Variants in ZNF813 observed in about 807,000 individuals in gnomAD.
The protein encoded by ZNF813 is zinc finger protein 813.
Under a neutral mutation model 7.2 loss-of-function variants are expected in ZNF813, and 3 were observed. That is an observed-to-expected ratio of 0.42 (90% CI 0.19 to 1.08). The LOEUF (loss-of-function observed/expected upper bound fraction) is 1.08. ZNF813 is among the 50% of genes least tolerant of loss of function. The pLI is 0.30. For synonymous variants in ZNF813, 227 were observed against 256.3 expected (o/e 0.89, Z 1.09); for missense variants, 714 against 753.3 (o/e 0.95, Z 0.61).
At chr19:53,489,546 G>A (rs1298798891) in intron 3 of ZNF813, among the ~76,000 whole-genome samples, 3 of 151,994 alleles carry the variant, frequency 2.0e-5, no homozygotes, top group Non-Finnish European at 4.4e-5. Context: ...AGGTTGCAGT[G>A]AGCCAAGATT....
chr19:53,483,957 C>G, intron 2 of ZNF813, 120 bp downstream of exon 2: 1 of 1,575,052 alleles, frequency 6.3e-7, no homozygotes, highest in South Asian at 1.1e-5. Flanking sequence ...TCACATTCAC[C>G]CATGCCTTCC....
intron 3 of ZNF813, among the ~76,000 whole-genome samples, chr19:53,487,665 G>A (rs1458632929): frequency 6.6e-6 from 1 of 152,074 alleles, no homozygotes; most frequent in African/African-American, 2.4e-5. Flanking sequence ...GGACACTGTG[G>A]TGGGCATCTG....
chr19:53,488,890 T>C (rs558279595), intron 3 of ZNF813, among the ~76,000 whole-genome samples: 1 of 152,348 alleles, frequency 6.6e-6, no homozygotes, highest in South Asian at 2.1e-4. Flanking sequence ...TGTATAAATG[T>C]ACTTGTTATT....
intron 1 of ZNF813, among the ~76,000 whole-genome samples, chr19:53,482,040 AG>A (rs1163290233): frequency 6.6e-6 from 1 of 152,120 alleles, no homozygotes; most frequent in African/African-American, 2.4e-5. Context: ...CTAGGAGATG[AG>A]GGGCTAGACC....
intron 2 of ZNF813, among the ~76,000 whole-genome samples, chr19:53,484,252 A>G (rs111699420): frequency 0.017 from 2,521 of 152,258 alleles, 72 homozygotes; most frequent in African/African-American, 0.057. Context: ...AAGGCAACCA[A>G]TATGGGGAAA....
chr19:53,490,651 T>A lies in ZNF813; in HGVS notation c.419T>A (p.Leu140His). The change falls in exon 4 of 4, where the codon CTT (leucine) becomes CAT (histidine). Residue 140 changes from leucine (L) to histidine (H), a missense_variant. Transcript: ENST00000396403. The part of the protein sequence containing the change: ...HAGNKPIKDQ[L>H]GSSFHSHLPE... The stretch of plus-strand genomic sequence containing the variant: ...GGAAACAAGCCTATTAAAGATCAGC[T>A]TGGATCAAGCTTTCATTCGCATCTG... The A allele has an allele frequency of 6.2e-7, 1 of 1,614,168 alleles. No homozygotes were observed.
chr19:53,480,940 A>G (rs2086405290), intron 1 of ZNF813, among the ~76,000 whole-genome samples: 1 of 152,202 alleles, frequency 6.6e-6, no homozygotes, highest in Non-Finnish European at 1.5e-5. Flanking sequence ...GGCCAATGCT[A>G]GTATGGAGGC....
At chr19:53,477,808 G>A (rs1255043433) in intron 1 of ZNF813, among the ~76,000 whole-genome samples, 1 of 152,154 alleles carries the variant, frequency 6.6e-6, no homozygotes, top group Non-Finnish European at 1.5e-5. Flanking sequence ...TCAACAGAGT[G>A]AGACCCTGTC....
rs1046758807 is a variant in ZNF813, at chr19:53,496,083, T to C, written c.*3997T>C. 1.8e-5 allele frequency: 5 copies of C among 272,032 alleles called. No individual in the cohort carries two copies. The highest frequency in any genetic ancestry group is 9.6e-5 in the South Asian group (2 of 20,926). The allele number at this position is 272,032 out of a possible 1,614,324, so 16.9% of individuals were successfully genotyped here. ...ACACATATTTATGCTGTGTGAGCAT[T>C]ACAATCGCGTTACCATATCAAGCTG... On this transcript the variant is annotated 3_prime_UTR_variant, in exon 4 of 4. Coordinates refer to ENST00000396403, the MANE Select transcript of ZNF813 (RefSeq NM_001004301.4).
intron 1 of ZNF813, among the ~76,000 whole-genome samples, chr19:53,472,388 G>A (rs543916701): frequency 2.0e-5 from 3 of 152,216 alleles, no homozygotes; most frequent in African/African-American, 4.8e-5. Context: ...TACCACAGAC[G>A]GATGAGTCTA....
chr19:53,473,062 A>G (rs996549894), intron 1 of ZNF813, among the ~76,000 whole-genome samples: 3 of 152,302 alleles, frequency 2.0e-5, no homozygotes, highest in African/African-American at 7.2e-5. Flanking sequence ...ATGGTTAAGG[A>G]GGGTAGCAAC....
At chr19:53,474,404 C>T (rs1212584992) in intron 1 of ZNF813, among the ~76,000 whole-genome samples, 4 of 152,098 alleles carry the variant, frequency 2.6e-5, no homozygotes, top group Non-Finnish European at 4.4e-5. Context: ...ATGGCACTTT[C>T]GTGGCCGGGC....
In ZNF813 at chr19:53,490,982, G is replaced by A. The variant is rs762545241; in HGVS notation, c.750G>A (p.Lys250=). The A allele has an allele frequency of 1.2e-6, 2 of 1,614,162 alleles. No homozygotes were observed. Among genetic ancestry groups the A allele is most frequent in the Admixed American group, 3.3e-5 (2 of 60,020 alleles). The change falls in exon 4 of 4, where the codon AAG becomes AAA. Residue 250 remains lysine (K), a synonymous_variant. Transcript: ENST00000396403. Reference sequence around the variant, plus strand: ...AATATAAATGTGATGTATGTGGCAAGGTCTTTAATCGGAAGCGAAACCTAG... The same window carrying A: ...AATATAAATGTGATGTATGTGGCAAAGTCTTTAATCGGAAGCGAAACCTAG... The part of the protein sequence containing the change: ...EKQYKCDVCG[K]VFNRKRNLVC...
intron 1 of ZNF813, among the ~76,000 whole-genome samples, chr19:53,468,307 T>C (rs1448485962): frequency 1.4e-5 from 2 of 145,132 alleles, no homozygotes; most frequent in African/African-American, 5.0e-5. Flanking sequence ...TGAGCCCACG[T>C]TGGGGAGGTG....
At chr19:53,469,743 A>C (rs1600106818) in intron 1 of ZNF813, among the ~76,000 whole-genome samples, 1 of 149,918 alleles carries the variant, frequency 6.7e-6, no homozygotes, top group Non-Finnish European at 1.5e-5. Context: ...TGGCAAGAAC[A>C]GAGGGAGAAG....
chr19:53,471,703 T>G (rs144681973), intron 1 of ZNF813, among the ~76,000 whole-genome samples: 143 of 150,088 alleles, frequency 9.5e-4, no homozygotes, highest in African/African-American at 3.2e-3. Flanking sequence ...TCCCAGCTAC[T>G]CGGGAGGCTG....
intron 1 of ZNF813, among the ~76,000 whole-genome samples, chr19:53,473,697 T>C (rs1387086237): frequency 6.6e-6 from 1 of 152,248 alleles, no homozygotes; most frequent in Non-Finnish European, 1.5e-5. Flanking sequence ...CTTATCGGCA[T>C]TCTTTCTCAT....
At position 53,482,771 on chromosome 19, in the gene ZNF813, T is replaced by C. The variant is rs140718821; in HGVS notation, c.-73-979T>C. Among the ~76,000 whole-genome samples, 580 of 144,488 alleles carry C rather than the reference T, an allele frequency of 4.0e-3. 3 individuals carry two copies. Among genetic ancestry groups the C allele is most frequent in the Non-Finnish European group, 5.4e-3 (361 of 66,490 alleles). 94.8% of individuals were successfully genotyped at this position (144,488 alleles called of 152,430 possible). A position where few individuals can be genotyped will look rare whatever the true frequency, so the allele number is the denominator to read the frequency against. On this transcript the variant is annotated intron_variant, in intron 1 of 3. Transcript: ENST00000396403. Reference sequence around the variant, plus strand: ...CAGAATCTCACTCTATTGCCCAGGCTGTGAGTGCAGTCTTGTGATCTTGGC... The same window carrying C: ...CAGAATCTCACTCTATTGCCCAGGCCGTGAGTGCAGTCTTGTGATCTTGGC...
rs778514098 is a variant in ZNF813 at position 53,490,777 on chromosome 19, G to T, written c.545G>T (p.Cys182Phe). 5 of 1,614,158 alleles carry T rather than the reference G, an allele frequency of 3.1e-6. No individual in the cohort carries two copies. In the East Asian group the frequency reaches 1.1e-4, roughly 36 times the overall value. The change falls in exon 4 of 4, where the codon TGT becomes TTT. Residue 182 changes from cysteine to phenylalanine, a missense_variant. Around this residue, in one of 3 missense-constraint regions of ZNF813, gnomAD observed 563 missense variants for 554.2 expected, o/e 1.02. Coordinates refer to ENST00000396403, the MANE Select transcript of ZNF813 (RefSeq NM_001004301.4). Reference protein sequence around the residue: ...SSISTSQRISCRPKTHISNNY... With the variant: ...SSISTSQRISFRPKTHISNNY... ...ATTTCAACATCCCAAAGAATTTCTTGTAGGCCCAAAACCCATATTTCTAAT... is the reference window on the plus strand; with the variant it reads ...ATTTCAACATCCCAAAGAATTTCTTTTAGGCCCAAAACCCATATTTCTAAT...
Sources: allele counts gnomAD v4.1 joint callset (sites outside exome capture counted in the v4.1 genomes callset), GRCh38; gene constraint gnomAD v4.1.1; regional missense constraint gnomAD v4.1.1; transcripts MANE v1.5; gene names NCBI Gene and HGNC (gene_info 2026-07-23, HGNC 2026-07-21).